Variants in ITGB6 observed in about 807,000 individuals in gnomAD.
ITGB6 encodes integrin subunit beta 6.
Under a neutral mutation model 84.5 loss-of-function variants are expected in ITGB6, and 80 were observed. The observed-to-expected ratio is 0.95, with a 90% CI of 0.79 to 1.14. The LOEUF is 1.14. ITGB6 is among the 50% of genes most tolerant of loss of function. ITGB6 has a pLI of 0.00. For missense variants in ITGB6, 1,006 were observed against 968.0 expected (o/e 1.04, Z -0.52); for synonymous variants, 383 against 354.9 (o/e 1.08, Z -0.89).
intron 7 of ITGB6, among the ~76,000 whole-genome samples, chr2:160,158,754 G>A (rs774249352): frequency 1.3e-5 from 2 of 152,120 alleles, no homozygotes; most frequent in Non-Finnish European, 2.9e-5. Flanking sequence ...CTTGATATTC[G>A]AAGTGTGATT....
At chr2:160,105,401 A>G (rs910259849) in intron 14 of ITGB6, among the ~76,000 whole-genome samples, 10 of 152,348 alleles carry the variant, frequency 6.6e-5, no homozygotes, top group Admixed American at 1.3e-4. Context: ...TAAAGATATT[A>G]ATCACTTGTC....
chr2:160,178,688 C>CT (rs746675372), intron 4 of ITGB6, among the ~76,000 whole-genome samples: 5,727 of 103,714 alleles, frequency 0.055, 485 homozygotes, highest in African/African-American at 0.13. Context: ...CTCTCTCTCT[C>CT]TTTTTTTTTT....
chr2:160,139,372 A>T (rs769577065), intron 8 of ITGB6, among the ~76,000 whole-genome samples: 6 of 151,552 alleles, frequency 4.0e-5, no homozygotes, highest in Admixed American at 6.6e-5. Context: ...TTGTGTGGGT[A>T]TATAGTAGGT....
chr2:160,099,779 C>T lies in ITGB6; in HGVS notation c.*1957G>A, dbSNP rs1696644922. 1 of 152,152 alleles carries T rather than the reference C, an allele frequency of 6.6e-6. No individual in the cohort carries two copies. The highest frequency in any genetic ancestry group is 2.1e-4 in the South Asian group (1 of 4,826). The allele number at this position is 152,152 out of a possible 1,614,324, so 9.4% of individuals were successfully genotyped here. A position where few individuals can be genotyped will look rare whatever the true frequency, so the allele number is the denominator to read the frequency against. On this transcript the variant is annotated 3_prime_UTR_variant, in exon 15 of 15. Transcript: ENST00000283249. ...CATAACTCTTCAGTGAACAGAAGTACTACTGTTAATGTTTTGGCCTTTCCA... is the reference window on the plus strand; with the variant it reads ...CATAACTCTTCAGTGAACAGAAGTATTACTGTTAATGTTTTGGCCTTTCCA...
Position 160,107,814 on chromosome 2 carries a change from G to T in ITGB6, c.2133C>A (p.Ile711=). The T allele has an allele frequency of 1.2e-6, 2 of 1,611,618 alleles. No individual in the cohort carries two copies. Among genetic ancestry groups the T allele is most frequent in the Non-Finnish European group, 1.7e-6 (2 of 1,178,456 alleles). The change falls in exon 14 of 15, where the codon ATC becomes ATA. Residue 711 remains isoleucine, a synonymous_variant. Transcript: ENST00000283249. Reference sequence around the variant, plus strand: ...GAATAGCCAGGGAAACCCCTAACATGATCATGGGAATGTTTGGAGGCTTCG... The same window carrying T: ...GAATAGCCAGGGAAACCCCTAACATTATCATGGGAATGTTTGGAGGCTTCG... ...DCPKPPNIPM[I]MLGVSLAILL... is the part of the protein sequence containing the mutation.
chr2:160,191,879 G>T (rs577729321), intron 4 of ITGB6, among the ~76,000 whole-genome samples: 1 of 151,882 alleles, frequency 6.6e-6, no homozygotes, highest in African/African-American at 2.4e-5. Flanking sequence ...CAAAGAATTC[G>T]AAAATAAAAA....
intron 7 of ITGB6, among the ~76,000 whole-genome samples, chr2:160,161,686 C>T (rs1315712783): frequency 6.8e-6 from 1 of 146,944 alleles, no homozygotes; most frequent in Non-Finnish European, 1.5e-5. Context: ...TTCTGTATTC[C>T]TCCTCACTTT....
chr2:160,168,092 C>T (rs1685072140), intron 7 of ITGB6, among the ~76,000 whole-genome samples: 1 of 152,212 alleles, frequency 6.6e-6, no homozygotes, highest in South Asian at 2.1e-4. Flanking sequence ...CACATGGGCT[C>T]TGCGTAGAAC....
chr2:160,145,905 C>T lies in ITGB6; in HGVS notation c.1018-3834G>A, dbSNP rs140194513. On this transcript the variant is annotated intron_variant, in intron 7 of 14. Coordinates refer to ENST00000283249, the MANE Select transcript of ITGB6 (RefSeq NM_000888.5). ...CCGACTGTATCTCCTGTGTGCTTAG[C>T]TCTTCAGAACCTGGCTGTCTGCTGG... 1.1e-4 allele frequency among the ~76,000 whole-genome samples: 16 copies of T among 152,298 alleles called. 1 individual carries two copies. The East Asian group carries it at 3.1e-3, about 29-fold the overall frequency.
At chr2:160,114,628 C>T (rs1217063828) in intron 12 of ITGB6, among the ~76,000 whole-genome samples, 2 of 152,196 alleles carry the variant, frequency 1.3e-5, no homozygotes, top group Non-Finnish European at 2.9e-5. Context: ...CCGGGTTCAT[C>T]TCACTAGGGA....
chr2:160,147,633 G>C (rs1245165450), intron 7 of ITGB6, among the ~76,000 whole-genome samples: 1 of 152,142 alleles, frequency 6.6e-6, no homozygotes, highest in Non-Finnish European at 1.5e-5. Flanking sequence ...AGAATAGTCA[G>C]ACAAATGTAA....
At chr2:160,188,462 A>G (rs1429569730) in intron 4 of ITGB6, among the ~76,000 whole-genome samples, 1 of 152,158 alleles carries the variant, frequency 6.6e-6, no homozygotes, top group Non-Finnish European at 1.5e-5. Flanking sequence ...ATTCTCCTTC[A>G]GGTCTCCAAT....
At chr2:160,136,390 G>T (rs1193893480) in intron 10 of ITGB6, among the ~76,000 whole-genome samples, 2 of 152,062 alleles carry the variant, frequency 1.3e-5, no homozygotes, top group East Asian at 3.8e-4. Context: ...TCATTAAAAA[G>T]TCAGGAAACA....
intron 10 of ITGB6, among the ~76,000 whole-genome samples, chr2:160,129,856 A>G (rs1237215644): frequency 6.6e-6 from 1 of 152,132 alleles, no homozygotes; most frequent in Admixed American, 6.5e-5. Flanking sequence ...GATAGACACA[A>G]AGATTTTGAA....
At chr2:160,158,555 T>G (rs983916) in intron 7 of ITGB6, among the ~76,000 whole-genome samples, 23,504 of 152,240 alleles carry the variant, frequency 0.15, 2,434 homozygotes, top group Non-Finnish European at 0.24. Context: ...GCTGACTAAT[T>G]CAAGTCCCAA....
chr2:160,112,060 A>G lies in ITGB6; in HGVS notation c.2101+20T>C. ...TGTGTAGTATCATTTGCCATCGGCA[A>G]TGGAAGGCAAAACACCCACCTTTTT... On this transcript the variant is annotated intron_variant, in intron 13 of 14. Coordinates refer to ENST00000283249, the MANE Select transcript of ITGB6 (RefSeq NM_000888.5). 1 of 1,610,768 alleles carries G rather than the reference A, an allele frequency of 6.2e-7. No homozygotes were observed. Among genetic ancestry groups the G allele is most frequent in the Non-Finnish European group, 8.5e-7 (1 of 1,178,886 alleles).
chr2:160,154,831 G>A (rs1684561856), intron 7 of ITGB6, among the ~76,000 whole-genome samples: 1 of 152,182 alleles, frequency 6.6e-6, no homozygotes, highest in Non-Finnish European at 1.5e-5. Context: ...AAGCCAATCT[G>A]AAAAGGCTAC....
At chr2:160,149,313 G>A (rs934462238) in intron 7 of ITGB6, among the ~76,000 whole-genome samples, 1 of 152,206 alleles carries the variant, frequency 6.6e-6, no homozygotes, top group Non-Finnish European at 1.5e-5. Context: ...CAGACAAACA[G>A]GGTCTGGAGT....
At position 160,130,761 on chromosome 2, in the gene ITGB6, A is replaced by G. The variant is rs372650361; in HGVS notation, c.1661-4160T>C. Among the ~76,000 whole-genome samples the G allele has an allele frequency of 3.3e-4, 51 of 152,360 alleles. 1 individual carries two copies. In the South Asian group the frequency reaches 5.4e-3, roughly 16 times the overall value. On this transcript the variant is annotated intron_variant, in intron 10 of 14. Transcript: ENST00000283249. ...CTCAACAAAAGGGGAAACTTATGAT[A>G]GAAAGAAATTCCATATTACAGTTGA... is the stretch of plus-strand genomic sequence containing the variant.
Sources: gnomAD v4.1 joint callset for allele counts (sites outside exome capture counted in the v4.1 genomes callset) on GRCh38, gnomAD v4.1.1 for gene constraint, MANE v1.5 for transcripts, NCBI Gene and HGNC (gene_info 2026-07-23, HGNC 2026-07-21) for gene names.